CAB39L: variants seen among roughly 807,000 people sequenced by gnomAD.
The protein encoded by CAB39L is calcium binding protein 39 like.
Under a neutral mutation model 39.1 loss-of-function variants are expected in CAB39L, and 23 were observed. That is an observed-to-expected ratio of 0.59 (90% CI 0.42 to 0.83). The LOEUF (loss-of-function observed/expected upper bound fraction) is 0.83, where lower values mean the gene tolerates loss of function less well. Among genes scored for constraint, CAB39L ranks in the 40% least tolerant of loss-of-function variants. The pLI is 0.00. For missense variants in CAB39L, 366 were observed against 391.9 expected, an observed-to-expected ratio of 0.93 and a Z score of 0.56; for synonymous variants, 126 against 137.2, an observed-to-expected ratio of 0.92 and a Z score of 0.57.
intron 9 of CAB39L, among the ~76,000 whole-genome samples, chr13:49,335,051 G>C (rs1346891401): frequency 2.0e-5 from 3 of 152,104 alleles, no homozygotes; most frequent in Non-Finnish European, 4.4e-5. Flanking sequence ...TATCTTCCTA[G>C]ATGCTTATAT....
At chr13:49,431,870 T>G (rs987048242) in intron 3 of CAB39L, among the ~76,000 whole-genome samples, 1 of 148,292 alleles carries the variant, frequency 6.7e-6, no homozygotes, top group Admixed American at 6.7e-5. Context: ...AGCTAAAAAT[T>G]AGAAACAATT....
chr13:49,346,120 T>TATATATATATC (rs10663110), intron 7 of CAB39L, among the ~76,000 whole-genome samples: 4,729 of 88,410 alleles, frequency 0.053, 573 homozygotes, highest in African/African-American at 0.068. Context: ...TATATATATA[T>TATATATATATC]ATATCATGGA....
intron 4 of CAB39L, among the ~76,000 whole-genome samples, chr13:49,378,694 G>A (rs1477714855): frequency 5.7e-5 from 3 of 52,790 alleles, no homozygotes; most frequent in African/African-American, 1.2e-4. Flanking sequence ...CCAGCCAGCC[G>A]CCCCGTCCGG....
chr13:49,378,674 GC>G, intron 4 of CAB39L, among the ~76,000 whole-genome samples: 2 of 60,072 alleles, frequency 3.3e-5, no homozygotes, highest in Non-Finnish European at 3.3e-5. Context: ...GAAGTGAGGA[GC>G]CCCTCTGCCC....
At chr13:49,328,848 A>G (rs1954580720) in intron 10 of CAB39L, among the ~76,000 whole-genome samples, 1 of 152,098 alleles carries the variant, frequency 6.6e-6, no homozygotes. Context: ...AAAAATTTCT[A>G]TTATGTTTTG....
At chr13:49,420,443 A>G (rs1046032401) in intron 3 of CAB39L, 2 of 152,222 alleles carry the variant, frequency 1.3e-5, no homozygotes, top group Non-Finnish European at 2.9e-5. Context: ...GCCTTCCAAT[A>G]TCTGTTCTCC....
rs564516237 is a variant in CAB39L, at chr13:49,338,443, T to C, written c.690+1234A>G. Among the ~76,000 whole-genome samples, 11 of 142,802 alleles carry C rather than the reference T, an allele frequency of 7.7e-5. No individual in the cohort carries two copies. The East Asian group carries it at 8.3e-4, about 11-fold the overall frequency. 93.7% of individuals were successfully genotyped at this position (142,802 alleles called of 152,430 possible). A position where few individuals can be genotyped will look rare whatever the true frequency, so the allele number is the denominator to read the frequency against. On this transcript the variant is annotated intron_variant, in intron 9 of 10. Transcript: ENST00000409308. ...GCATATTCTCACTCATAGGTGGGAA[T>C]TGAACAATGAGATCACATGGACACA...
intron 3 of CAB39L, among the ~76,000 whole-genome samples, chr13:49,415,666 G>T (rs1485440880): frequency 6.6e-6 from 1 of 151,996 alleles, no homozygotes; most frequent in Non-Finnish European, 1.5e-5. Flanking sequence ...AGTTTTAAGG[G>T]CACAGGAAGG....
chr13:49,377,184 T>TAAAC (rs1227536118), intron 4 of CAB39L, 53 bp from the exon 5 acceptor site: 1 of 1,465,944 alleles, frequency 6.8e-7, no homozygotes, highest in African/African-American at 1.4e-5. Flanking sequence ...GTTTAGGCCA[T>TAAAC]AAACAAACAA....
intron 3 of CAB39L, among the ~76,000 whole-genome samples, chr13:49,396,320 C>T (rs1956625453): frequency 1.3e-5 from 2 of 152,034 alleles, no homozygotes; most frequent in African/African-American, 4.8e-5. Context: ...AGGAACATTT[C>T]CAAAATGATT....
intron 3 of CAB39L, among the ~76,000 whole-genome samples, chr13:49,399,624 A>G (rs1213624127): frequency 6.6e-6 from 1 of 152,122 alleles, no homozygotes; most frequent in Admixed American, 6.6e-5. Flanking sequence ...CCCATTCACA[A>G]GTAAACTTCT....
At chr13:49,397,958 TTATTGA>T (rs200730778) in intron 3 of CAB39L, among the ~76,000 whole-genome samples, 3,701 of 152,224 alleles carry the variant, frequency 0.024, 65 homozygotes, top group Non-Finnish European at 0.036. Context: ...TTAGTTACTG[TTATTGA>T]TATTAAGACA....
chr13:49,432,460 G>A (rs1258943557), intron 3 of CAB39L, among the ~76,000 whole-genome samples: 2 of 152,130 alleles, frequency 1.3e-5, no homozygotes, highest in African/African-American at 4.8e-5. Context: ...TTCATGTAAT[G>A]TATATTTCTA....
At chr13:49,351,841 G>T (rs1955367024) in intron 6 of CAB39L, among the ~76,000 whole-genome samples, 1 of 152,160 alleles carries the variant, frequency 6.6e-6, no homozygotes, top group East Asian at 1.9e-4. Context: ...TGGAAACTGA[G>T]AATTCACGAA....
At chr13:49,426,431 A>AT (rs1397024984) in intron 3 of CAB39L, among the ~76,000 whole-genome samples, 1 of 151,626 alleles carries the variant, frequency 6.6e-6, no homozygotes, top group African/African-American at 2.4e-5. Context: ...CTTCTTTAAA[A>AT]TATTTTTTTT....
chr13:49,434,960 T>C (rs1957385963), intron 1 of CAB39L, among the ~76,000 whole-genome samples: 1 of 152,248 alleles, frequency 6.6e-6, no homozygotes, highest in African/African-American at 2.4e-5. Flanking sequence ...CTTTTGAATA[T>C]GTAGACATAC....
intron 3 of CAB39L, among the ~76,000 whole-genome samples, chr13:49,394,772 C>T (rs1407153599): frequency 6.6e-6 from 1 of 151,494 alleles, no homozygotes; most frequent in Non-Finnish European, 1.5e-5. Context: ...ATTGTTGGTG[C>T]CTTACACTAA....
intron 3 of CAB39L, among the ~76,000 whole-genome samples, chr13:49,388,465 A>G (rs1483450896): frequency 6.6e-6 from 1 of 152,244 alleles, no homozygotes. Flanking sequence ...TTAGACTTCC[A>G]TGAACCAAAT....
chr13:49,313,277 C>A (rs370232995), intron 10 of CAB39L, among the ~76,000 whole-genome samples: 4 of 152,152 alleles, frequency 2.6e-5, no homozygotes, highest in South Asian at 2.1e-4. Flanking sequence ...GTCAGGAGAT[C>A]GAGACCATCC....
Sources: gnomAD v4.1 joint callset for allele counts (sites outside exome capture counted in the v4.1 genomes callset) on GRCh38, gnomAD v4.1.1 for gene constraint, MANE v1.5 for transcripts, NCBI Gene and HGNC (gene_info 2026-07-23, HGNC 2026-07-21) for gene names.